UTRN: variants seen among roughly 807,000 people sequenced by gnomAD.
The protein encoded by UTRN is utrophin.
A neutral mutation model predicts 463.9 loss-of-function variants in UTRN; 283 were observed. The ratio of observed to expected loss-of-function variants is 0.61; its 90% CI spans 0.55 to 0.67. The LOEUF (loss-of-function observed/expected upper bound fraction) is 0.67. Among genes scored for constraint, UTRN ranks in the 30% least tolerant of loss-of-function variants. UTRN has a pLI of 0.00. For synonymous variants in UTRN, 1,442 were observed against 1,431.5 expected (o/e 1.01, Z -0.17); for missense variants, 3,922 against 4,084.3 (o/e 0.96, Z 1.08).
chr6:144,509,680 G>T (rs1795014026), intron 34 of UTRN, among the ~76,000 whole-genome samples: 1 of 151,926 alleles, frequency 6.6e-6, no homozygotes, highest in Non-Finnish European at 1.5e-5. Context: ...TAATGTATTT[G>T]CACTTAAAGA....
chr6:144,796,173 C>A (rs1421536800), intron 63 of UTRN, among the ~76,000 whole-genome samples: 2 of 152,104 alleles, frequency 1.3e-5, no homozygotes, highest in African/African-American at 2.4e-5. Context: ...ATAGGGAATT[C>A]TTTACCCATT....
At chr6:144,357,546 C>A (rs1758824005) in intron 2 of UTRN, among the ~76,000 whole-genome samples, 1 of 152,168 alleles carries the variant, frequency 6.6e-6, no homozygotes, top group Admixed American at 6.5e-5. Flanking sequence ...GTTACTGATT[C>A]TATGGTATCC....
At chr6:144,561,618 G>T (rs1009047802) in intron 50 of UTRN, among the ~76,000 whole-genome samples, 2 of 152,038 alleles carry the variant, frequency 1.3e-5, no homozygotes, top group African/African-American at 4.8e-5. Flanking sequence ...CTGAGTGTAA[G>T]GTATATGGGG....
chr6:144,387,569 A>G (rs1031948351), intron 2 of UTRN, among the ~76,000 whole-genome samples: 1 of 152,216 alleles, frequency 6.6e-6, no homozygotes, highest in Non-Finnish European at 1.5e-5. Context: ...CTGGGAAGAA[A>G]GTGACCTCCA....
chr6:144,485,084 TTA>T (rs141170221), intron 27 of UTRN, among the ~76,000 whole-genome samples: 12 of 149,550 alleles, frequency 8.0e-5, no homozygotes, highest in Non-Finnish European at 7.4e-5. Context: ...GCTAATATTT[TTA>T]TATATATATA....
At chr6:144,586,931 A>AC (rs1249487778) in intron 51 of UTRN, among the ~76,000 whole-genome samples, 2 of 151,884 alleles carry the variant, frequency 1.3e-5, no homozygotes, top group South Asian at 2.1e-4. Context: ...GGTTTTAGTC[A>AC]CCCCCCAAAC....
rs535219098 is a variant in UTRN, at chr6:144,713,920, CAAAAAAAAA to C, written c.7809+13687_7809+13695del. 4.0e-5 allele frequency among the ~76,000 whole-genome samples: 4 copies of C among 101,168 alleles called. No individual in the cohort carries two copies. The South Asian group carries it at 1.2e-3, about 31-fold the overall frequency. 66.4% of individuals were successfully genotyped at this position (101,168 alleles called of 152,430 possible). A position where few individuals can be genotyped will look rare whatever the true frequency, so the allele number is the denominator to read the frequency against. ...GGGAAACAAGAGTGAAACTCTGTCT[CAAAAAAAAA>C]AAAAAAAAAGTACAGGGAAGGATAC... On this transcript the variant is annotated intron_variant, in intron 53 of 74. Transcript: ENST00000367545.
At chr6:144,758,060 C>T (rs1490735794) in intron 58 of UTRN, 71 bp downstream of exon 58, 2 of 1,343,360 alleles carry the variant, frequency 1.5e-6, no homozygotes, top group African/African-American at 2.9e-5. Flanking sequence ...AGAGGCTTCT[C>T]TCCCCATAAC....
At chr6:144,521,253 T>A (rs140489242) in intron 39 of UTRN, among the ~76,000 whole-genome samples, 10 of 151,714 alleles carry the variant, frequency 6.6e-5, no homozygotes, top group Non-Finnish European at 1.3e-4. Context: ...AGCACTGCAC[T>A]CCAGCCTGGG....
intron 65 of UTRN, among the ~76,000 whole-genome samples, chr6:144,810,976 T>A (rs188540463): frequency 6.6e-6 from 1 of 152,218 alleles, no homozygotes; most frequent in Non-Finnish European, 1.5e-5. Flanking sequence ...GTATTCTTGT[T>A]GATATTGATT....
At chr6:144,569,190 A>G (rs1268303966) in intron 50 of UTRN, among the ~76,000 whole-genome samples, 1 of 151,994 alleles carries the variant, frequency 6.6e-6, no homozygotes, top group East Asian at 1.9e-4. Context: ...AATTTTATAT[A>G]AATTATATTA....
intron 52 of UTRN, among the ~76,000 whole-genome samples, chr6:144,679,372 A>C (rs1781981271): frequency 6.6e-6 from 1 of 152,108 alleles, no homozygotes; most frequent in African/African-American, 2.4e-5. Flanking sequence ...AAAATATGTT[A>C]TTGAGCAAAA....
At chr6:144,303,863 C>T (rs1429374107) in intron 2 of UTRN, among the ~76,000 whole-genome samples, 1 of 152,130 alleles carries the variant, frequency 6.6e-6, no homozygotes, top group East Asian at 1.9e-4. Flanking sequence ...AAAGAGTAGT[C>T]TAATGTGATG....
intron 24 of UTRN, 66 bp from the exon 25 acceptor site, chr6:144,474,538 A>G: frequency 6.7e-7 from 1 of 1,485,738 alleles, no homozygotes; most frequent in Non-Finnish European, 9.1e-7. Context: ...AGATAAGCAG[A>G]CAAACTATAA....
At chr6:144,606,548 A>G (rs1393302735) in intron 51 of UTRN, among the ~76,000 whole-genome samples, 1 of 152,206 alleles carries the variant, frequency 6.6e-6, no homozygotes, top group Non-Finnish European at 1.5e-5. Context: ...CTTGTATTAT[A>G]TTAAAAATGT....
intron 52 of UTRN, among the ~76,000 whole-genome samples, chr6:144,684,190 C>T (rs1782505950): frequency 6.6e-6 from 1 of 151,902 alleles, no homozygotes; most frequent in South Asian, 2.1e-4. Context: ...GCTGGGATTA[C>T]AGGTGGCTGC....
intron 54 of UTRN, among the ~76,000 whole-genome samples, chr6:144,741,526 CA>C (rs1426233117): frequency 1.3e-5 from 2 of 152,106 alleles, no homozygotes; most frequent in Admixed American, 6.6e-5. Context: ...CAGTAGTAGG[CA>C]AAACAGATGT....
rs186643659 is a variant in UTRN, at chr6:144,453,117, A to C, written c.2197-665A>C. 1.0e-3 allele frequency among the ~76,000 whole-genome samples: 152 copies of C among 151,818 alleles called. 1 individual carries two copies. In the Middle Eastern group the frequency reaches 0.014, roughly 14 times the overall value. On this transcript the variant is annotated intron_variant, in intron 18 of 74. Coordinates refer to ENST00000367545, the MANE Select transcript of UTRN (RefSeq NM_007124.3). Reference sequence around the variant, plus strand: ...ACTGAGCCTCAAAATATTTCTATCCATTTTTTCTGTTTTCTTTCTTTTGAG... The same window carrying C: ...ACTGAGCCTCAAAATATTTCTATCCCTTTTTTCTGTTTTCTTTCTTTTGAG...
At chr6:144,287,090 G>T (rs1803756142) in intron 1 of UTRN, among the ~76,000 whole-genome samples, 1 of 152,182 alleles carries the variant, frequency 6.6e-6, no homozygotes, top group Non-Finnish European at 1.5e-5. Flanking sequence ...GCCTCAGGAA[G>T]TCGATCTGGG....
Sources: gnomAD v4.1 joint callset for allele counts (sites outside exome capture counted in the v4.1 genomes callset) on GRCh38, gnomAD v4.1.1 for gene constraint, MANE v1.5 for transcripts, NCBI Gene and HGNC (gene_info 2026-07-23, HGNC 2026-07-21) for gene names.